FAR1: variants seen among roughly 807,000 people sequenced by gnomAD.
FAR1 encodes the protein male sterility domain-containing protein 2.
A neutral mutation model predicts 61.1 loss-of-function variants in FAR1; 22 were observed. The ratio of observed to expected loss-of-function variants is 0.36; its 90% CI spans 0.26 to 0.51. FAR1 has a LOEUF of 0.51. Among genes scored for constraint, FAR1 ranks in the 20% least tolerant of loss-of-function variants. The probability of loss-of-function intolerance (pLI) is 0.95; values close to 1 mark genes in which losing one functional copy is unlikely to be tolerated. For synonymous variants in FAR1, 206 were observed against 209.7 expected (o/e 0.98, Z 0.15); for missense variants, 359 against 626.9 (o/e 0.57, Z 4.56).
chr11:13,712,305 T>C (rs999244326), intron 7 of FAR1, among the ~76,000 whole-genome samples: 2 of 147,066 alleles, frequency 1.4e-5, no homozygotes, highest in South Asian at 4.3e-4. Context: ...AAAAAAAAAA[T>C]ACCCTCCCCT....
At chr11:13,722,988 C>T (rs1848628516) in intron 10 of FAR1, among the ~76,000 whole-genome samples, 1 of 151,878 alleles carries the variant, frequency 6.6e-6, no homozygotes, top group Non-Finnish European at 1.5e-5. Context: ...ACTTGGGAAT[C>T]TGTTTTGTAG....
chr11:13,673,524 T>G (rs990200930), intron 1 of FAR1, among the ~76,000 whole-genome samples: 1 of 152,180 alleles, frequency 6.6e-6, no homozygotes, highest in Admixed American at 6.5e-5. Flanking sequence ...CTTGTGAAAC[T>G]AATAGCACGG....
chr11:13,710,609 TTGA>T, intron 4 of FAR1, 81 bp from the exon 5 acceptor site: 1 of 1,181,442 alleles, frequency 8.5e-7, no homozygotes, highest in South Asian at 1.7e-5. Context: ...GCAGATATGT[TTGA>T]ATGTGCGAAG....
chr11:13,689,971 G>A (rs1165772801), intron 1 of FAR1, among the ~76,000 whole-genome samples: 2 of 151,712 alleles, frequency 1.3e-5, no homozygotes, highest in Non-Finnish European at 2.9e-5. Context: ...CGTATCCCGG[G>A]CTCAAGCAAT....
chr11:13,688,352 A>C (rs758087366), intron 1 of FAR1, among the ~76,000 whole-genome samples: 4 of 152,130 alleles, frequency 2.6e-5, no homozygotes, highest in Non-Finnish European at 5.9e-5. Context: ...TTAGCAAGCA[A>C]TCTTTATTCT....
chr11:13,706,396 T>G (rs915167057), intron 3 of FAR1, among the ~76,000 whole-genome samples: 4 of 152,180 alleles, frequency 2.6e-5, no homozygotes, highest in African/African-American at 9.6e-5. Context: ...TGTCCTAGTT[T>G]CCTTCAAATC....
chr11:13,727,704 T>C (rs768717320), intron 11 of FAR1, 21 bp downstream of exon 11: 1 of 1,582,744 alleles, frequency 6.3e-7, no homozygotes, highest in South Asian at 1.2e-5. Context: ...TGCATGGATT[T>C]GATTGCTTCT....
intron 9 of FAR1, among the ~76,000 whole-genome samples, chr11:13,719,617 C>A (rs942201994): frequency 6.6e-6 from 1 of 152,146 alleles, no homozygotes. Flanking sequence ...ATAACTTTAT[C>A]TAGCTTAACT....
intron 9 of FAR1, chr11:13,720,826 G>T (rs1444497777): frequency 1.3e-5 from 2 of 151,358 alleles, no homozygotes; most frequent in African/African-American, 4.9e-5. Flanking sequence ...ACAGAAGTGG[G>T]GATTTTTTTG....
At position 13,672,830 on chromosome 11, in the gene FAR1, A is replaced by G. The variant is rs145555192; in HGVS notation, c.-8+4024A>G. Among the ~76,000 whole-genome samples, 173 of 152,294 alleles carry G rather than the reference A, an allele frequency of 1.1e-3. 1 individual carries two copies. The highest frequency in any genetic ancestry group is 0.01 in the Middle Eastern group (3 of 294). Reference sequence around the variant, plus strand: ...TACTAACCCACCCTGAATGGTGGAGATACAGTCTTTGTTTTCCTGAACACT... The same window carrying G: ...TACTAACCCACCCTGAATGGTGGAGGTACAGTCTTTGTTTTCCTGAACACT... On this transcript the variant is annotated intron_variant, in intron 1 of 11. Transcript: ENST00000354817.
At chr11:13,716,256 G>A (rs1848554645) in intron 9 of FAR1, among the ~76,000 whole-genome samples, 1 of 151,996 alleles carries the variant, frequency 6.6e-6, no homozygotes, top group African/African-American at 2.4e-5. Context: ...CGAAGAAAGA[G>A]GGCTTAGTAA....
rs1848720761 is a variant in FAR1 at position 13,731,091 on chromosome 11, T to C, written c.*2317T>C. Reference sequence around the variant, plus strand: ...AATGTTTCTTATTTCACTTAACTCATTTGATTAAACTGTATTCTAAAACAT... The same window carrying C: ...AATGTTTCTTATTTCACTTAACTCACTTGATTAAACTGTATTCTAAAACAT... On this transcript the variant is annotated 3_prime_UTR_variant, in exon 12 of 12. Transcript: ENST00000354817. 1 of 152,366 alleles carries C rather than the reference T, an allele frequency of 6.6e-6. No homozygotes were observed. Among genetic ancestry groups the C allele is most frequent in the African/African-American group, 2.4e-5 (1 of 41,464 alleles). The allele number at this position is 152,366 out of a possible 1,614,324, so 9.4% of individuals were successfully genotyped here. A position where few individuals can be genotyped will look rare whatever the true frequency, so the allele number is the denominator to read the frequency against.
intron 3 of FAR1, among the ~76,000 whole-genome samples, chr11:13,703,251 A>G (rs1215909545): frequency 2.0e-5 from 3 of 152,170 alleles, no homozygotes; most frequent in Non-Finnish European, 4.4e-5. Context: ...TGACACAATC[A>G]TGGCTCACTG....
intron 3 of FAR1, among the ~76,000 whole-genome samples, chr11:13,702,768 T>C (rs1412455583): frequency 6.6e-6 from 1 of 152,206 alleles, no homozygotes; most frequent in Non-Finnish European, 1.5e-5. Context: ...AGGAAAGTTA[T>C]ATGCTTTGAA....
chr11:13,670,336 T>G (rs1471090152), intron 1 of FAR1, among the ~76,000 whole-genome samples: 1 of 152,230 alleles, frequency 6.6e-6, no homozygotes, highest in African/African-American at 2.4e-5. Context: ...TTGCCCAGGC[T>G]GGAGTGCAGT....
intron 1 of FAR1, among the ~76,000 whole-genome samples, chr11:13,681,346 G>A (rs541184388): frequency 6.6e-6 from 1 of 152,326 alleles, no homozygotes; most frequent in African/African-American, 2.4e-5. Flanking sequence ...GCAGTTACTT[G>A]ATGCTGTTTG....
intron 1 of FAR1, among the ~76,000 whole-genome samples, chr11:13,694,329 C>A (rs1433070957): frequency 6.6e-6 from 1 of 152,172 alleles, no homozygotes; most frequent in Non-Finnish European, 1.5e-5. Flanking sequence ...TCCAGTGTTA[C>A]ACAAGCTAGG....
intron 5 of FAR1, chr11:13,711,204 C>T: frequency 6.9e-6 from 2 of 288,084 alleles, no homozygotes; most frequent in South Asian, 4.3e-5. Flanking sequence ...CTCTGTAGAT[C>T]ACAAAGTAAA....
At chr11:13,716,762 T>C (rs1024162407) in intron 9 of FAR1, among the ~76,000 whole-genome samples, 4 of 152,162 alleles carry the variant, frequency 2.6e-5, no homozygotes, top group African/African-American at 2.4e-5. Flanking sequence ...TTTTTTCATA[T>C]GTTCATAATT....
Sources: gnomAD v4.1 joint callset for allele counts (sites outside exome capture counted in the v4.1 genomes callset) on GRCh38, gnomAD v4.1.1 for gene constraint, MANE v1.5 for transcripts, NCBI Gene and HGNC (gene_info 2026-07-23, HGNC 2026-07-21) for gene names.